RBFOX1: variants seen among roughly 807,000 people sequenced by gnomAD.
RBFOX1 encodes the protein RNA binding fox-1 homolog 1.
In RBFOX1, 8 loss-of-function variants were observed where a neutral mutation model predicts 57.7. The observed-to-expected ratio is 0.14, with a 90% CI of 0.08 to 0.25. The LOEUF (loss-of-function observed/expected upper bound fraction) is 0.25. Ranked by LOEUF, RBFOX1 falls within the 10% of genes least tolerant of loss-of-function variation. RBFOX1 has a pLI of 1.00. For synonymous variants in RBFOX1, 326 were observed against 222.4 expected (o/e 1.47, Z -4.15); for missense variants, 611 against 548.5 (o/e 1.11, Z -1.14).
At chr16:7,480,506 A>G (rs1340004461) in intron 4 of RBFOX1, among the ~76,000 whole-genome samples, 1 of 152,226 alleles carries the variant, frequency 6.6e-6, no homozygotes, top group Non-Finnish European at 1.5e-5. Context: ...TCTAATTGTC[A>G]CCGGCTCCGT....
intron 2 of RBFOX1, among the ~76,000 whole-genome samples, chr16:6,487,873 T>C (rs1012398621): frequency 3.3e-5 from 5 of 151,462 alleles, no homozygotes; most frequent in Non-Finnish European, 7.4e-5. Context: ...TTTAAAATGG[T>C]CCTTTTTCCT....
At chr16:5,991,135 C>T (rs1339958258) in intron 4 of RBFOX1, among the ~76,000 whole-genome samples, 1 of 152,146 alleles carries the variant, frequency 6.6e-6, no homozygotes, top group Non-Finnish European at 1.5e-5. Context: ...TAAAGTTGGA[C>T]CATTTGGGGG....
At position 5,873,395 on chromosome 16, in the gene RBFOX1, A is replaced by G. The variant is rs1047482973; in HGVS notation, c.351+6060A>G. On this transcript the variant is annotated intron_variant, in intron 4 of 19. Coordinates refer to the RBFOX1 transcript ENST00000641259. ...AGATCAGCAGTACTTTCCAATGAGC[A>G]CTCTTGGCCTTGTCTAATTTTGCCC... is the stretch of plus-strand genomic sequence containing the variant. Among the ~76,000 whole-genome samples the G allele has an allele frequency of 2.0e-5, 3 of 152,178 alleles. No individual in the cohort carries two copies. The East Asian group carries it at 5.8e-4, about 29-fold the overall frequency.
At chr16:5,569,164 A>T (rs897109066) in intron 2 of RBFOX1, among the ~76,000 whole-genome samples, 7 of 151,934 alleles carry the variant, frequency 4.6e-5, no homozygotes, top group Non-Finnish European at 1.5e-5. Flanking sequence ...TTGGTTCTGT[A>T]TGTGTCTTCA....
intron 4 of RBFOX1, among the ~76,000 whole-genome samples, chr16:7,110,399 T>G (rs774056265): frequency 2.8e-5 from 3 of 108,520 alleles, no homozygotes; most frequent in African/African-American, 8.5e-5. Flanking sequence ...GTTGACTACA[T>G]TGAGGGGTTG....
At chr16:6,900,722 C>A (rs111468905) in intron 3 of RBFOX1, among the ~76,000 whole-genome samples, 4 of 152,134 alleles carry the variant, frequency 2.6e-5, no homozygotes, top group African/African-American at 4.8e-5. Context: ...TCCATGATGC[C>A]GTTCCTATCT....
intron 4 of RBFOX1, among the ~76,000 whole-genome samples, chr16:7,274,122 T>A (rs2095394605): frequency 6.6e-6 from 1 of 152,222 alleles, no homozygotes; most frequent in Non-Finnish European, 1.5e-5. Context: ...AATTGAGATA[T>A]TTGTTTATGA....
intron 3 of RBFOX1, chr16:6,704,085 C>T (rs2062298785): frequency 6.6e-6 from 1 of 152,306 alleles, no homozygotes. Context: ...GTCTATACTG[C>T]CAGGCACTAT....
At chr16:7,075,046 G>GC (rs2058052573) in intron 4 of RBFOX1, among the ~76,000 whole-genome samples, 1 of 152,162 alleles carries the variant, frequency 6.6e-6, no homozygotes, top group Non-Finnish European at 1.5e-5. Context: ...ACTCCCCAAA[G>GC]CGTAAAAGCA....
intron 1 of RBFOX1, among the ~76,000 whole-genome samples, chr16:5,410,330 C>G (rs935543354): frequency 1.3e-5 from 2 of 151,508 alleles, no homozygotes; most frequent in African/African-American, 4.9e-5. Flanking sequence ...TGTGATTGGG[C>G]CACTGCACTC....
chr16:7,241,259 C>G (rs1396451692), intron 4 of RBFOX1, among the ~76,000 whole-genome samples: 1 of 152,106 alleles, frequency 6.6e-6, no homozygotes, highest in Non-Finnish European at 1.5e-5. Context: ...ATTCTGGCAT[C>G]TCAGTCTCGG....
chr16:6,560,506 C>G (rs934460003), intron 2 of RBFOX1, among the ~76,000 whole-genome samples: 1 of 152,046 alleles, frequency 6.6e-6, no homozygotes, highest in Non-Finnish European at 1.5e-5. Context: ...GAGTAGCCGT[C>G]TGTTCAAGAG....
intron 3 of RBFOX1, among the ~76,000 whole-genome samples, chr16:5,818,186 CTG>C (rs1208487046): frequency 1.3e-5 from 2 of 152,168 alleles, no homozygotes; most frequent in African/African-American, 4.8e-5. Context: ...CTGAGCCAGG[CTG>C]TGTGTTAGGA....
chr16:7,181,396 A>T (rs536204864), intron 4 of RBFOX1, among the ~76,000 whole-genome samples: 74 of 152,294 alleles, frequency 4.9e-4, no homozygotes, highest in African/African-American at 1.7e-3. Flanking sequence ...AACAAGTGGT[A>T]AGAGTTAATT....
At chr16:7,652,986 G>A (rs574850986) in intron 11 of RBFOX1, among the ~76,000 whole-genome samples, 10 of 152,236 alleles carry the variant, frequency 6.6e-5, no homozygotes, top group South Asian at 2.1e-4. Flanking sequence ...CATGCAGTTC[G>A]GCCCCAGAGA....
chr16:7,006,674 C>G (rs1012406597), intron 3 of RBFOX1, among the ~76,000 whole-genome samples: 64 of 152,156 alleles, frequency 4.2e-4, no homozygotes, highest in African/African-American at 1.5e-3. Context: ...TCTTGAACTC[C>G]TGGACTCAAG....
rs1390952524 is a variant in RBFOX1 at position 5,830,562 on chromosome 16, G to T, written c.319-36741G>T. Reference sequence around the variant, plus strand: ...GTCCCAGCCAGAGTGGTGACTTCTAGCTCCATTTGGGTGGGTGTCAGTAGC... The same window carrying T: ...GTCCCAGCCAGAGTGGTGACTTCTATCTCCATTTGGGTGGGTGTCAGTAGC... On this transcript the variant is annotated intron_variant, in intron 3 of 19. Transcript: ENST00000641259. Among the ~76,000 whole-genome samples the T allele has an allele frequency of 2.6e-5, 4 of 152,124 alleles. No homozygotes were observed. In the East Asian group the frequency reaches 7.7e-4, roughly 29 times the overall value.
chr16:7,699,733 CCTT>C (rs1331592935), intron 14 of RBFOX1, among the ~76,000 whole-genome samples: 6 of 151,622 alleles, frequency 4.0e-5, no homozygotes, highest in Non-Finnish European at 5.9e-5. Flanking sequence ...AATGAGTTCA[CCTT>C]TTTTTTTTAC....
chr16:6,216,453 TC>T (rs1223744624), intron 1 of RBFOX1, among the ~76,000 whole-genome samples: 1 of 152,024 alleles, frequency 6.6e-6, no homozygotes, highest in African/African-American at 2.4e-5. Flanking sequence ...CACCATTAGC[TC>T]CCCCTCTTAA....
Sources: allele counts gnomAD v4.1 joint callset (sites outside exome capture counted in the v4.1 genomes callset), GRCh38; gene constraint gnomAD v4.1.1; transcripts MANE v1.5; gene names NCBI Gene and HGNC (gene_info 2026-07-23, HGNC 2026-07-21).